SPON1: variants seen among roughly 807,000 people sequenced by gnomAD.
SPON1 encodes spondin 1.
A neutral mutation model predicts 111.7 loss-of-function variants in SPON1; 52 were observed. The observed-to-expected ratio is 0.47, with a 90% CI of 0.37 to 0.59. The LOEUF is 0.59. SPON1 is among the 20% of genes least tolerant of loss of function. The pLI is 0.00. For missense variants in SPON1, 957 were observed against 1,068.5 expected, an observed-to-expected ratio of 0.90 and a Z score of 1.46; for synonymous variants, 410 against 395.8, an observed-to-expected ratio of 1.04 and a Z score of -0.43.
chr11:13,976,756 A>G (rs1333035717), intron 1 of SPON1, among the ~76,000 whole-genome samples: 8 of 152,214 alleles, frequency 5.3e-5, no homozygotes, highest in South Asian at 2.1e-4. Flanking sequence ...GAATTATCAC[A>G]TGTTGAATAT....
intron 6 of SPON1, among the ~76,000 whole-genome samples, chr11:14,173,543 C>T (rs1228273881): frequency 2.0e-5 from 3 of 152,170 alleles, no homozygotes; most frequent in Non-Finnish European, 4.4e-5. Flanking sequence ...TGAGGAGCTG[C>T]GTTCCTTTGG....
At chr11:14,013,847 G>A (rs185042490) in intron 2 of SPON1, among the ~76,000 whole-genome samples, 126 of 152,270 alleles carry the variant, frequency 8.3e-4, no homozygotes, top group South Asian at 4.4e-3. Flanking sequence ...ACTCAGAGAG[G>A]TTATTTACTT....
intron 2 of SPON1, among the ~76,000 whole-genome samples, chr11:13,984,644 T>A (rs548475707): frequency 2.0e-5 from 3 of 152,210 alleles, no homozygotes; most frequent in Non-Finnish European, 4.4e-5. Flanking sequence ...CACTGTTGCA[T>A]TGGGGATTAA....
intron 6 of SPON1, among the ~76,000 whole-genome samples, chr11:14,198,468 G>C (rs1848426145): frequency 6.6e-6 from 1 of 152,224 alleles, no homozygotes; most frequent in African/African-American, 2.4e-5. Flanking sequence ...TTGTTGCTAT[G>C]GAATTTGAAA....
chr11:14,150,513 C>A (rs1554929823), intron 6 of SPON1, among the ~76,000 whole-genome samples: 1 of 152,030 alleles, frequency 6.6e-6, no homozygotes, highest in African/African-American at 2.4e-5. Flanking sequence ...ATGCAAATTA[C>A]CCTTTGATTA....
intron 9 of SPON1, 144 bp from the exon 10 acceptor site, chr11:14,256,473 G>T (rs1241595068): frequency 7.1e-6 from 4 of 561,046 alleles, no homozygotes; most frequent in African/African-American, 1.9e-5. Flanking sequence ...TTCTCAGGCA[G>T]ATTGTAAATG....
chr11:14,128,479 G>A (rs188675410), intron 5 of SPON1, among the ~76,000 whole-genome samples: 13 of 152,302 alleles, frequency 8.5e-5, no homozygotes, highest in East Asian at 7.7e-4. Context: ...GTGGGCTCCC[G>A]AGGCCTTGGG....
intron 5 of SPON1, among the ~76,000 whole-genome samples, chr11:14,102,254 T>C (rs1261977123): frequency 6.6e-6 from 1 of 152,140 alleles, no homozygotes; most frequent in Non-Finnish European, 1.5e-5. Flanking sequence ...ACCACAAATA[T>C]GAGCCACGTA....
chr11:14,088,324 G>C (rs576741220), intron 5 of SPON1, among the ~76,000 whole-genome samples: 1 of 152,164 alleles, frequency 6.6e-6, no homozygotes, highest in Non-Finnish European at 1.5e-5. Flanking sequence ...AGGCATGCCT[G>C]TTGGTGACAA....
At chr11:14,149,747 A>T (rs532647064) in intron 6 of SPON1, among the ~76,000 whole-genome samples, 1 of 152,354 alleles carries the variant, frequency 6.6e-6, no homozygotes, top group Non-Finnish European at 1.5e-5. Context: ...CAGTACAGCC[A>T]CATGCTGTAC....
At chr11:14,203,337 T>G (rs4756776) in intron 6 of SPON1, among the ~76,000 whole-genome samples, 56,141 of 152,086 alleles carry the variant, frequency 0.37, 10,843 homozygotes, top group South Asian at 0.43. Context: ...ACACACAGAC[T>G]GGGCTGCTGG....
chr11:14,017,013 T>C (rs1848448697), intron 2 of SPON1, among the ~76,000 whole-genome samples: 1 of 152,210 alleles, frequency 6.6e-6, no homozygotes, highest in African/African-American at 2.4e-5. Context: ...CAGAGATTGC[T>C]ACGGTGTAAG....
chr11:14,215,128 A>C (rs933851089), intron 6 of SPON1, among the ~76,000 whole-genome samples: 4 of 152,036 alleles, frequency 2.6e-5, no homozygotes, highest in African/African-American at 9.7e-5. Context: ...GGATTATAGC[A>C]CACTACAGCC....
intron 6 of SPON1, among the ~76,000 whole-genome samples, chr11:14,164,407 C>A (rs1260496032): frequency 6.6e-6 from 1 of 152,184 alleles, no homozygotes; most frequent in Non-Finnish European, 1.5e-5. Flanking sequence ...AAACTAAGTT[C>A]TGACCAATAA....
Position 14,175,784 on chromosome 11 carries a change from T to C in SPON1, c.825+40216T>C, listed in dbSNP as rs546881392. Among the ~76,000 whole-genome samples the C allele has an allele frequency of 3.9e-5, 6 of 152,298 alleles. No homozygotes were observed. In the South Asian group the frequency reaches 1.0e-3, roughly 26 times the overall value. On this transcript the variant is annotated intron_variant, in intron 6 of 15. Coordinates refer to ENST00000576479, the MANE Select transcript of SPON1 (RefSeq NM_006108.4). Reference sequence around the variant, plus strand: ...GGCTTCTGGCGACCCTGCTCACTTGTGCTATAGCTGGGGATTCAAGCCACT... The same window carrying C: ...GGCTTCTGGCGACCCTGCTCACTTGCGCTATAGCTGGGGATTCAAGCCACT...
At chr11:14,061,432 T>C (rs1848790383) in intron 3 of SPON1, among the ~76,000 whole-genome samples, 1 of 152,236 alleles carries the variant, frequency 6.6e-6, no homozygotes, top group African/African-American at 2.4e-5. Flanking sequence ...CATCATTGGT[T>C]GTAAAATTAG....
chr11:14,221,507 T>C (rs1052058834), intron 6 of SPON1, among the ~76,000 whole-genome samples: 3 of 152,188 alleles, frequency 2.0e-5, no homozygotes, highest in Non-Finnish European at 4.4e-5. Context: ...TTTTAAAACA[T>C]TATAATACAG....
chr11:14,080,031 G>A lies in SPON1; in HGVS notation c.676+10G>A, dbSNP rs1554921886. 6.2e-7 allele frequency: 1 copy of A among 1,613,834 alleles called. No individual in the cohort carries two copies. Among genetic ancestry groups the A allele is most frequent in the Non-Finnish European group, 8.5e-7 (1 of 1,179,844 alleles). Reference sequence around the variant, plus strand: ...CCAAAGGATTACCCTCGTGAGTAGAGTGGCTACTCTGTGGTTTGGGGAAAA... The same window carrying A: ...CCAAAGGATTACCCTCGTGAGTAGAATGGCTACTCTGTGGTTTGGGGAAAA... On this transcript the variant is annotated intron_variant, in intron 5 of 15. Coordinates refer to ENST00000576479, the MANE Select transcript of SPON1 (RefSeq NM_006108.4).
chr11:14,131,094 C>G (rs564493698), intron 5 of SPON1, among the ~76,000 whole-genome samples: 51 of 152,264 alleles, frequency 3.3e-4, no homozygotes, highest in Non-Finnish European at 6.0e-4. Flanking sequence ...TTACCACCAT[C>G]GGCACTCAGC....
Sources: allele counts gnomAD v4.1 joint callset (sites outside exome capture counted in the v4.1 genomes callset), GRCh38; gene constraint gnomAD v4.1.1; transcripts MANE v1.5; gene names NCBI Gene and HGNC (gene_info 2026-07-23, HGNC 2026-07-21).